Variants in ASTN2 observed in about 807,000 individuals in gnomAD.
ASTN2 encodes astrotactin-2.
Under a neutral mutation model 139.8 loss-of-function variants are expected in ASTN2, and 54 were observed. The observed-to-expected ratio is 0.39, with a 90% CI of 0.31 to 0.48. The LOEUF (loss-of-function observed/expected upper bound fraction) is 0.48. ASTN2 is among the 20% of genes least tolerant of loss of function. ASTN2 has a pLI of 0.95. For synonymous variants in ASTN2, 756 were observed against 719.5 expected, an observed-to-expected ratio of 1.05 and a Z score of -0.81; for missense variants, 1,565 against 1,725.1, an observed-to-expected ratio of 0.91 and a Z score of 1.64.
At chr9:116,434,744 T>TCCTA (rs1407938200) in intron 22 of ASTN2, among the ~76,000 whole-genome samples, 1 of 152,184 alleles carries the variant, frequency 6.6e-6, no homozygotes, top group African/African-American at 2.4e-5. Context: ...TTTTCAAGTC[T>TCCTA]CCTAATAGGA....
At chr9:116,472,928 G>GAA (rs71377245) in intron 20 of ASTN2, among the ~76,000 whole-genome samples, 2,118 of 130,748 alleles carry the variant, frequency 0.016, 22 homozygotes, top group Middle Eastern at 0.029. Flanking sequence ...CTCTGTCTTG[G>GAA]AAAAAAAAAA....
intron 20 of ASTN2, among the ~76,000 whole-genome samples, chr9:116,477,209 G>A (rs893068170): frequency 2.6e-5 from 4 of 152,134 alleles, no homozygotes; most frequent in Non-Finnish European, 4.4e-5. Flanking sequence ...GAAAAACAGC[G>A]TTATTTTTCC....
chr9:116,689,289 T>C (rs1860443679), intron 16 of ASTN2, among the ~76,000 whole-genome samples: 1 of 152,190 alleles, frequency 6.6e-6, no homozygotes, highest in Non-Finnish European at 1.5e-5. Flanking sequence ...ACCCAGTGCC[T>C]TGGCTCTTCA....
At chr9:116,688,216 G>A (rs547176782) in intron 16 of ASTN2, among the ~76,000 whole-genome samples, 2 of 152,158 alleles carry the variant, frequency 1.3e-5, no homozygotes, top group South Asian at 4.2e-4. Context: ...ATTGACGAGG[G>A]TTGCAATATA....
intron 4 of ASTN2, among the ~76,000 whole-genome samples, chr9:117,117,788 C>T (rs941621028): frequency 1.1e-4 from 16 of 152,310 alleles, no homozygotes; most frequent in Admixed American, 3.3e-4. Context: ...AGCTCTTCTA[C>T]GTTTCTATCC....
chr9:117,135,386 C>A (rs1829926965), intron 4 of ASTN2, among the ~76,000 whole-genome samples: 1 of 152,126 alleles, frequency 6.6e-6, no homozygotes, highest in Admixed American at 6.5e-5. Context: ...TAGAACATAC[C>A]AAATGCTCAG....
intron 19 of ASTN2, among the ~76,000 whole-genome samples, chr9:116,518,680 T>G (rs1192604439): frequency 1.3e-5 from 2 of 152,084 alleles, no homozygotes; most frequent in African/African-American, 4.8e-5. Flanking sequence ...ATGCTAACAT[T>G]GAATGTGAGT....
chr9:116,748,811 G>A (rs1395358955), intron 13 of ASTN2, among the ~76,000 whole-genome samples: 2 of 152,112 alleles, frequency 1.3e-5, no homozygotes, highest in African/African-American at 2.4e-5. Context: ...ATAACTTGCT[G>A]TGTGATCTTG....
intron 1 of ASTN2, among the ~76,000 whole-genome samples, chr9:117,387,297 C>T (rs1029577970): frequency 2.0e-4 from 31 of 152,138 alleles, no homozygotes; most frequent in African/African-American, 6.8e-4. Flanking sequence ...GACATAATTC[C>T]TATCTTCAAT....
chr9:116,736,848 C>T (rs938036252), intron 13 of ASTN2, among the ~76,000 whole-genome samples: 6 of 152,104 alleles, frequency 3.9e-5, no homozygotes, highest in South Asian at 4.1e-4. Context: ...CTTCTCTATC[C>T]GCATGTCCCT....
chr9:116,949,383 T>C (rs1182780382), intron 10 of ASTN2, among the ~76,000 whole-genome samples: 1 of 151,552 alleles, frequency 6.6e-6, no homozygotes, highest in Non-Finnish European at 1.5e-5. Context: ...AATATATTTA[T>C]CATCACTGTA....
intron 16 of ASTN2, chr9:116,700,271 A>G (rs1285651908): frequency 5.8e-6 from 1 of 172,322 alleles, no homozygotes; most frequent in East Asian, 1.9e-4. Flanking sequence ...AGTGCTACCA[A>G]AGGGGATACA....
intron 3 of ASTN2, among the ~76,000 whole-genome samples, chr9:117,205,622 G>A (rs1461505375): frequency 2.6e-5 from 4 of 152,078 alleles, no homozygotes; most frequent in South Asian, 4.1e-4. Flanking sequence ...TTTGTCCACT[G>A]AGCATCAAGG....
At chr9:117,085,746 T>C (rs1240165508) in intron 5 of ASTN2, among the ~76,000 whole-genome samples, 1 of 152,186 alleles carries the variant, frequency 6.6e-6, no homozygotes, top group African/African-American at 2.4e-5. Flanking sequence ...CAGGAAGTTC[T>C]CAGGGATATG....
At chr9:117,310,530 T>G (rs72764145) in intron 1 of ASTN2, among the ~76,000 whole-genome samples, 13,045 of 152,158 alleles carry the variant, frequency 0.086, 754 homozygotes, top group Non-Finnish European at 0.12. Flanking sequence ...TCCACCTATC[T>G]TCACCCCAAC....
intron 11 of ASTN2, among the ~76,000 whole-genome samples, chr9:116,846,867 C>T (rs972482117): frequency 6.6e-5 from 10 of 151,996 alleles, no homozygotes; most frequent in Admixed American, 5.2e-4. Context: ...TTGAAGCTTT[C>T]CCCTACAGCC....
intron 5 of ASTN2, among the ~76,000 whole-genome samples, chr9:117,046,143 G>A (rs145615947): frequency 0.013 from 1,982 of 152,120 alleles, 45 homozygotes; most frequent in African/African-American, 0.045. Flanking sequence ...TGGGACTATA[G>A]GCAAACGCCA....
At chr9:116,545,997 C>A (rs1368691111) in intron 19 of ASTN2, 1 of 152,230 alleles carries the variant, frequency 6.6e-6, no homozygotes, top group African/African-American at 2.4e-5. Context: ...GCCCAGACTT[C>A]ACTTCTGGTC....
intron 1 of ASTN2, among the ~76,000 whole-genome samples, chr9:117,391,911 T>C (rs533894711): frequency 2.0e-5 from 3 of 152,282 alleles, no homozygotes; most frequent in South Asian, 2.1e-4. Flanking sequence ...ACAGGCCCCA[T>C]GCAAGTCTGA....
Sources: gnomAD v4.1 joint callset for allele counts (sites outside exome capture counted in the v4.1 genomes callset) on GRCh38, gnomAD v4.1.1 for gene constraint, MANE v1.5 for transcripts, NCBI Gene and HGNC (gene_info 2026-07-23, HGNC 2026-07-21) for gene names.